Variants in ME3 observed in about 807,000 individuals in gnomAD.
The protein encoded by ME3 is malic enzyme 3.
ME3 carries 48 observed loss-of-function variants against 68.9 expected under a neutral mutation model. The ratio of observed to expected loss-of-function variants is 0.70; its 90% confidence interval spans 0.55 to 0.89. The LOEUF (loss-of-function observed/expected upper bound fraction) is 0.89, where lower values mean the gene tolerates loss of function less well. Ranked by LOEUF, ME3 falls within the 40% of genes least tolerant of loss-of-function variation. ME3 has a pLI of 0.00. For synonymous variants in ME3, 320 were observed against 318.8 expected (o/e 1.00, Z -0.04); for missense variants, 675 against 797.4 (o/e 0.85, Z 1.85).
chr11:86,443,172 C>T (rs560664540), intron 13 of ME3, among the ~76,000 whole-genome samples: 11 of 152,330 alleles, frequency 7.2e-5, no homozygotes, highest in African/African-American at 2.4e-4. Context: ...ATCACTAAAG[C>T]CAAGATGAAT....
intron 2 of ME3, among the ~76,000 whole-genome samples, chr11:86,616,315 A>G (rs1452699366): frequency 2.6e-5 from 4 of 152,206 alleles, no homozygotes; most frequent in East Asian, 1.9e-4. Context: ...TCTCTTGGAC[A>G]TATTTTCAAC....
At chr11:86,561,580 A>G (rs1161916971) in intron 2 of ME3, among the ~76,000 whole-genome samples, 1 of 152,188 alleles carries the variant, frequency 6.6e-6, no homozygotes, top group African/African-American at 2.4e-5. Context: ...TTTTAGCCCC[A>G]TCACCTTGCT....
chr11:86,447,886 A>G (rs867067919), intron 11 of ME3, among the ~76,000 whole-genome samples: 2 of 149,796 alleles, frequency 1.3e-5, no homozygotes, highest in African/African-American at 4.9e-5. Context: ...GACAGAGAGA[A>G]AGAGAGAGAG....
rs139859972 is a variant in ME3 at position 86,641,873 on chromosome 11, C to G, written c.183+29889G>C. Among the ~76,000 whole-genome samples the G allele has an allele frequency of 1.7e-4, 26 of 152,242 alleles. No homozygotes were observed. In the East Asian group the frequency reaches 4.3e-3, roughly 25 times the overall value. ...GTTCCTGATGCTATTAAAACTTCAC[C>G]TCTTTTTTTAAAAAAAAACTTTAAA... On this transcript the variant is annotated intron_variant, in intron 2 of 14. Transcript: ENST00000543262.
At chr11:86,507,460 A>G (rs930565567) in intron 5 of ME3, among the ~76,000 whole-genome samples, 4 of 151,282 alleles carry the variant, frequency 2.6e-5, no homozygotes, top group Admixed American at 6.6e-5. Context: ...TCCTTGTACT[A>G]TGCTTGGTCA....
intron 4 of ME3, among the ~76,000 whole-genome samples, chr11:86,536,167 G>T (rs1247070374): frequency 6.6e-6 from 1 of 152,214 alleles, no homozygotes; most frequent in Non-Finnish European, 1.5e-5. Context: ...TGGCAGCATT[G>T]TATTTGAGTT....
rs1276817437 is a variant in ME3, at chr11:86,600,171, A to G, written c.184-40348T>C. On this transcript the variant is annotated intron_variant, in intron 2 of 14. Coordinates refer to ENST00000543262, the Ensembl canonical transcript of ME3. Reference sequence around the variant, plus strand: ...ACACAGACTGGCAAATTGGATAAAGAGTCAAGACCCATCAGTGTGCTGTAT... The same window carrying G: ...ACACAGACTGGCAAATTGGATAAAGGGTCAAGACCCATCAGTGTGCTGTAT... Among the ~76,000 whole-genome samples the G allele has an allele frequency of 5.9e-5, 9 of 152,220 alleles. No homozygotes were observed. In the East Asian group the frequency reaches 1.7e-3, roughly 29 times the overall value.
chr11:86,500,582 C>T (rs1299285665), intron 5 of ME3, among the ~76,000 whole-genome samples: 1 of 151,806 alleles, frequency 6.6e-6, no homozygotes, highest in Non-Finnish European at 1.5e-5. Flanking sequence ...GGCTCAAAGA[C>T]CTTTAGTTAC....
chr11:86,582,673 A>C (rs1480181924), intron 2 of ME3, among the ~76,000 whole-genome samples: 1 of 152,182 alleles, frequency 6.6e-6, no homozygotes. Flanking sequence ...ATTATCTATT[A>C]ATGTTAGTGC....
intron 2 of ME3, among the ~76,000 whole-genome samples, chr11:86,660,189 C>T (rs1248044808): frequency 2.6e-5 from 4 of 152,204 alleles, no homozygotes; most frequent in Non-Finnish European, 5.9e-5. Flanking sequence ...TCACTCTTCT[C>T]CTGTCAAGTC....
At chr11:86,648,395 C>G (rs1036317074) in intron 2 of ME3, among the ~76,000 whole-genome samples, 2 of 151,932 alleles carry the variant, frequency 1.3e-5, no homozygotes, top group Admixed American at 1.3e-4. Context: ...AATCGACACC[C>G]TAACATCACA....
intron 2 of ME3, among the ~76,000 whole-genome samples, chr11:86,564,650 A>G (rs1420436061): frequency 6.6e-6 from 1 of 152,212 alleles, no homozygotes; most frequent in Non-Finnish European, 1.5e-5. Context: ...AAATTTCTAC[A>G]TGCAAAGAAT....
chr11:86,599,872 A>T (rs1490987571), intron 2 of ME3, among the ~76,000 whole-genome samples: 1 of 152,192 alleles, frequency 6.6e-6, no homozygotes, highest in African/African-American at 2.4e-5. Context: ...GTGGAGAAAT[A>T]AAATCCTTTA....
intron 2 of ME3, among the ~76,000 whole-genome samples, chr11:86,657,306 G>T (rs1018150425): frequency 2.6e-5 from 4 of 152,066 alleles, no homozygotes; most frequent in Admixed American, 1.3e-4. Flanking sequence ...GAATGAGATT[G>T]TGTCCTTTGC....
intron 2 of ME3, among the ~76,000 whole-genome samples, chr11:86,660,584 C>A (rs1165668438): frequency 6.6e-6 from 1 of 152,084 alleles, no homozygotes; most frequent in African/African-American, 2.4e-5. Context: ...GAGTGTAATT[C>A]CCTCGATTTT....
At chr11:86,645,574 C>T (rs990009013) in intron 2 of ME3, among the ~76,000 whole-genome samples, 1 of 152,210 alleles carries the variant, frequency 6.6e-6, no homozygotes, top group African/African-American at 2.4e-5. Flanking sequence ...ATAAAACTCC[C>T]ATCTCCCTGG....
intron 8 of ME3, among the ~76,000 whole-genome samples, chr11:86,451,667 A>G (rs1949640514): frequency 2.0e-5 from 3 of 152,264 alleles, no homozygotes; most frequent in Non-Finnish European, 4.4e-5. Context: ...CCCATCATGG[A>G]CAGGAAAGAA....
intron 8 of ME3, among the ~76,000 whole-genome samples, chr11:86,455,729 C>T (rs746742417): frequency 7.2e-5 from 11 of 152,174 alleles, no homozygotes; most frequent in Non-Finnish European, 1.5e-4. Flanking sequence ...CTTGCTACCC[C>T]AGGCATCCTT....
At chr11:86,645,277 C>T (rs577599716) in intron 2 of ME3, among the ~76,000 whole-genome samples, 112 of 152,304 alleles carry the variant, frequency 7.4e-4, no homozygotes, top group African/African-American at 2.6e-3. Flanking sequence ...CATCAGATCC[C>T]ACCCCCACAG....
Sources: allele counts gnomAD v4.1 joint callset (sites outside exome capture counted in the v4.1 genomes callset), GRCh38; gene constraint gnomAD v4.1.1; transcripts MANE v1.5; gene names NCBI Gene and HGNC (gene_info 2026-07-23, HGNC 2026-07-21).